Variants in MAPKAP1 observed in about 807,000 individuals in gnomAD.
The protein encoded by MAPKAP1 is target of rapamycin complex 2 subunit MAPKAP1.
MAPKAP1 carries 20 observed loss-of-function variants against 65.7 expected under a neutral mutation model. That is an observed-to-expected ratio of 0.30 (90% CI 0.21 to 0.44). The LOEUF is 0.44. Among genes scored for constraint, MAPKAP1 ranks in the 20% least tolerant of loss-of-function variants. MAPKAP1 has a pLI of 1.00. For missense variants in MAPKAP1, 423 were observed against 648.0 expected (o/e 0.65, Z 3.77); for synonymous variants, 222 against 244.3 (o/e 0.91, Z 0.85).
At chr9:125,563,660 T>A (rs1830959678) in intron 5 of MAPKAP1, among the ~76,000 whole-genome samples, 1 of 152,120 alleles carries the variant, frequency 6.6e-6, no homozygotes, top group Admixed American at 6.5e-5. Context: ...TAAATGAAGA[T>A]ATGAATGTGT....
chr9:125,527,840 C>T (rs932012303), intron 7 of MAPKAP1, among the ~76,000 whole-genome samples: 6 of 152,284 alleles, frequency 3.9e-5, no homozygotes, highest in Middle Eastern at 3.4e-3. Context: ...CTAATTTCAA[C>T]GGATATGCAT....
chr9:125,692,890 T>C (rs1164866848), intron 1 of MAPKAP1, among the ~76,000 whole-genome samples: 3 of 151,572 alleles, frequency 2.0e-5, no homozygotes, highest in Non-Finnish European at 4.4e-5. Flanking sequence ...AAGTCTTCTC[T>C]TCTGGGGAAA....
rs1386599111 is a variant in MAPKAP1, at chr9:125,588,190, A to G, written c.499-2463T>C. On this transcript the variant is annotated intron_variant, in intron 4 of 11. Transcript: ENST00000265960. ...AATGTCCACTAACTAATGAATGGAT[A>G]AACAAAATCCATACAATAGAATATT... Among the ~76,000 whole-genome samples, 6 of 152,376 alleles carry G rather than the reference A, an allele frequency of 3.9e-5. No homozygotes were observed. The East Asian group carries it at 1.2e-3, about 29-fold the overall frequency.
chr9:125,462,229 A>G (rs1419781911), intron 10 of MAPKAP1, among the ~76,000 whole-genome samples: 1 of 152,222 alleles, frequency 6.6e-6, no homozygotes, highest in Non-Finnish European at 1.5e-5. Context: ...GGGTGATTTC[A>G]GTAACAAGCA....
In MAPKAP1 at chr9:125,444,506, G is replaced by A; in HGVS notation, c.1438C>T (p.Leu480Phe). 1.9e-6 allele frequency: 3 copies of A among 1,610,844 alleles called. No homozygotes were observed. Among genetic ancestry groups the A allele is most frequent in the East Asian group, 2.2e-5 (1 of 44,824 alleles). Residue 480 changes from leucine to phenylalanine, a missense_variant, in exon 11 of 12, where the codon CTC (leucine) becomes TTC (phenylalanine). This residue lies in a region of MAPKAP1 where 185 missense variants were observed against 268.1 expected (regional missense o/e 0.69). Transcript: ENST00000265960. ...GTTCAAGAAGGAATACTCACCTTGA[G>A]CACAATTTCATTGACGGTAGCAGCG... The part of the protein sequence containing the change: ...SDAATVNEIV[L>F]KVNYILESRA...
chr9:125,701,595 ACTGGGTGCCGATTTCTTCAT>A (rs1835600094), intron 1 of MAPKAP1, among the ~76,000 whole-genome samples: 1 of 152,216 alleles, frequency 6.6e-6, no homozygotes, highest in South Asian at 2.1e-4. Context: ...ACTGTGATTC[ACTGGGTGCCGATTTCTTCAT>A]CTCAAGAGGT....
intron 4 of MAPKAP1, among the ~76,000 whole-genome samples, chr9:125,644,339 G>A (rs1374482151): frequency 6.6e-6 from 1 of 151,882 alleles, no homozygotes; most frequent in Non-Finnish European, 1.5e-5. Flanking sequence ...CTCATCTATC[G>A]TAGTAGTAAG....
intron 3 of MAPKAP1, among the ~76,000 whole-genome samples, chr9:125,669,018 A>T (rs926824591): frequency 1.3e-5 from 2 of 152,096 alleles, no homozygotes; most frequent in Non-Finnish European, 2.9e-5. Flanking sequence ...CATCTCTACT[A>T]AAAATACAAA....
intron 4 of MAPKAP1, among the ~76,000 whole-genome samples, chr9:125,615,910 T>A: frequency 6.9e-6 from 1 of 145,612 alleles, no homozygotes. Context: ...TGGGACTCCG[T>A]CTCAGAAAAA....
intron 5 of MAPKAP1, among the ~76,000 whole-genome samples, chr9:125,577,598 T>C (rs1831469168): frequency 1.1e-5 from 1 of 88,894 alleles, no homozygotes; most frequent in Non-Finnish European, 2.3e-5. Context: ...AGCCGCCCCG[T>C]CCGGGAGGGA....
intron 4 of MAPKAP1, among the ~76,000 whole-genome samples, chr9:125,602,334 G>A (rs1832322508): frequency 6.6e-6 from 1 of 152,166 alleles, no homozygotes; most frequent in Admixed American, 6.5e-5. Context: ...GCTTCCTGTT[G>A]GAAAGAATCA....
At chr9:125,509,540 T>C (rs1441045518) in intron 7 of MAPKAP1, among the ~76,000 whole-genome samples, 1 of 152,226 alleles carries the variant, frequency 6.6e-6, no homozygotes, top group East Asian at 1.9e-4. Flanking sequence ...TTGTGGCATC[T>C]CCAATGGGTC....
chr9:125,556,684 G>A (rs146760778), intron 6 of MAPKAP1, among the ~76,000 whole-genome samples: 4 of 152,290 alleles, frequency 2.6e-5, no homozygotes, highest in African/African-American at 7.2e-5. Flanking sequence ...GGGAAATGAC[G>A]AGGAGGAGTA....
chr9:125,532,889 T>G (rs778921067), intron 7 of MAPKAP1, among the ~76,000 whole-genome samples: 10 of 152,234 alleles, frequency 6.6e-5, no homozygotes, highest in African/African-American at 2.4e-4. Context: ...AAATCTGTTT[T>G]TTAAACTAGT....
At chr9:125,551,060 T>C (rs1390271378) in intron 6 of MAPKAP1, among the ~76,000 whole-genome samples, 3 of 152,192 alleles carry the variant, frequency 2.0e-5, no homozygotes, top group Non-Finnish European at 4.4e-5. Context: ...ACTTTACTGA[T>C]GGGGTGTGGC....
chr9:125,441,909 CT>C (rs1284666967), intron 11 of MAPKAP1, among the ~76,000 whole-genome samples: 2 of 152,172 alleles, frequency 1.3e-5, no homozygotes, highest in Middle Eastern at 3.4e-3. Flanking sequence ...GGGCAGATCA[CT>C]TGAGGCCAGG....
intron 1 of MAPKAP1, among the ~76,000 whole-genome samples, chr9:125,673,357 G>A (rs1259108557): frequency 2.6e-5 from 4 of 152,128 alleles, no homozygotes; most frequent in Non-Finnish European, 5.9e-5. Context: ...CTCCCGCGTA[G>A]CTGGGATTAC....
At chr9:125,585,474 A>G (rs1831752927) in intron 5 of MAPKAP1, 81 bp downstream of exon 5, 4 of 1,493,924 alleles carry the variant, frequency 2.7e-6, no homozygotes, top group Non-Finnish European at 3.7e-6. Flanking sequence ...CAATGCCTAG[A>G]AAGACTAACC....
chr9:125,580,452 C>T (rs562274304), intron 5 of MAPKAP1, among the ~76,000 whole-genome samples: 4 of 127,260 alleles, frequency 3.1e-5, no homozygotes, highest in South Asian at 2.5e-4. Context: ...ATCCAAACAC[C>T]GCAAGTTCTC....
Sources: allele counts gnomAD v4.1 joint callset (sites outside exome capture counted in the v4.1 genomes callset), GRCh38; gene constraint gnomAD v4.1.1; regional missense constraint gnomAD v4.1.1; transcripts MANE v1.5; gene names NCBI Gene and HGNC (gene_info 2026-07-23, HGNC 2026-07-21).